FHDC1: variants seen among roughly 807,000 people sequenced by gnomAD.
FHDC1 encodes the protein FH2 domain containing 1, also known as FH2 domain-containing protein 1.
In FHDC1, 25 loss-of-function variants were observed where a neutral mutation model predicts 52.6. The observed-to-expected ratio is 0.48, with a 90% CI of 0.35 to 0.66. The LOEUF is 0.66. Among genes scored for constraint, FHDC1 ranks in the 30% least tolerant of loss-of-function variants. FHDC1 has a pLI of 0.01. For missense variants in FHDC1, 1,459 were observed against 1,452.8 expected, an observed-to-expected ratio of 1.00 and a Z score of -0.07; for synonymous variants, 616 against 581.5, an observed-to-expected ratio of 1.06 and a Z score of -0.85.
At chr4:152,974,637 A>G (rs1423942091) in intron 11 of FHDC1, 38 bp from the exon 12 acceptor site, 3 of 1,501,584 alleles carry the variant, frequency 2.0e-6, no homozygotes, top group Non-Finnish European at 1.8e-6. Context: ...TTGGTCCCAC[A>G]TGTCTCATGC....
At chr4:152,912,530 A>G in the FHDC1 span, among the ~76,000 whole-genome samples, 3 of 152,204 alleles carry the variant, frequency 2.0e-5, no homozygotes, top group African/African-American at 7.2e-5. Context: ...AAACTTTGTA[A>G]TATATTGCCT....
At chr4:152,930,865 C>T in the FHDC1 span, among the ~76,000 whole-genome samples, 1 of 151,938 alleles carries the variant, frequency 6.6e-6, no homozygotes. Flanking sequence ...GCAGAAAGGG[C>T]TTTACCAATT....
the FHDC1 span, among the ~76,000 whole-genome samples, chr4:152,914,798 G>A: frequency 1.4e-4 from 21 of 152,170 alleles, no homozygotes; most frequent in Non-Finnish European, 2.4e-4. Context: ...GCTGGTATAG[G>A]GCACATAGGA....
At chr4:152,935,830 GGT>G (rs35457762), upstream of FHDC1, among the ~76,000 whole-genome samples, 2 of 132,266 alleles carry the variant, frequency 1.5e-5, no homozygotes, top group South Asian at 2.5e-4. Flanking sequence ...GGCGTGTGCG[GGT>G]GTGTGTGTGT....
At chr4:152,962,725 A>G in intron 6 of FHDC1, 89 bp from the exon 7 acceptor site, 2 of 1,064,796 alleles carry the variant, frequency 1.9e-6, no homozygotes, top group Non-Finnish European at 2.9e-6. Context: ...TTTGCTTCAG[A>G]TACACTTGAA....
chr4:152,920,947 C>T, the FHDC1 span, among the ~76,000 whole-genome samples: 1 of 151,350 alleles, frequency 6.6e-6, no homozygotes, highest in Non-Finnish European at 1.5e-5. Context: ...TCCTTAAATC[C>T]TCTTGTTATG....
At chr4:152,949,615 AC>A (rs1739861498) in intron 2 of FHDC1, among the ~76,000 whole-genome samples, 1 of 152,266 alleles carries the variant, frequency 6.6e-6, no homozygotes, top group Non-Finnish European at 1.5e-5. Flanking sequence ...AATTGAAACT[AC>A]AAAAGTTGTA....
chr4:152,962,981 GTA>G lies in FHDC1; in HGVS notation c.922-40_922-39del, dbSNP rs1491168487. 3.4e-4 allele frequency: 488 copies of G among 1,437,284 alleles called. 3 individuals are homozygous for G. The highest frequency in any genetic ancestry group is 1.1e-3 in the South Asian group (92 of 85,336). 89.0% of individuals were successfully genotyped at this position (1,437,284 alleles called of 1,614,324 possible). ...TGTGTGTGTGTGTGTGTGTGTGTGT[GTA>G]TGTATACATAATTTTTTCTTTTTGA... is the stretch of plus-strand genomic sequence containing the variant. On this transcript the variant is annotated intron_variant, in intron 7 of 11. Coordinates refer to ENST00000511601, the MANE Select transcript of FHDC1 (RefSeq NM_001371116.1).
At chr4:152,959,510 G>GA (rs1175911053) in intron 4 of FHDC1, among the ~76,000 whole-genome samples, 1 of 152,158 alleles carries the variant, frequency 6.6e-6, no homozygotes. Flanking sequence ...AGATATCTTA[G>GA]AAAATAAAAA....
intron 6 of FHDC1, among the ~76,000 whole-genome samples, 172 bp from the exon 7 acceptor site, chr4:152,962,642 G>A (rs1233110921): frequency 6.6e-6 from 1 of 152,220 alleles, no homozygotes; most frequent in Non-Finnish European, 1.5e-5. Context: ...GGTAGCAAAT[G>A]ATGTGTTAGG....
intron 10 of FHDC1, among the ~76,000 whole-genome samples, chr4:152,972,112 C>T (rs1003212200): frequency 1.3e-5 from 2 of 152,152 alleles, no homozygotes; most frequent in Non-Finnish European, 2.9e-5. Context: ...TTGTTAGTGA[C>T]GTTCTGCAGG....
upstream of FHDC1, among the ~76,000 whole-genome samples, chr4:152,932,170 G>A (rs536497237): frequency 3.0e-3 from 456 of 151,792 alleles, 1 homozygote; most frequent in Non-Finnish European, 5.2e-3. Context: ...GATTGCTTGA[G>A]GTCAGAAGTT....
At chr4:152,971,952 C>T (rs947732598) in intron 10 of FHDC1, among the ~76,000 whole-genome samples, 6 of 152,052 alleles carry the variant, frequency 3.9e-5, no homozygotes, top group East Asian at 1.9e-4. Flanking sequence ...ATCAGTAGAG[C>T]GAGTAGCTTC....
At chr4:152,932,628 T>C (rs1258554766), upstream of FHDC1, among the ~76,000 whole-genome samples, 1 of 152,212 alleles carries the variant, frequency 6.6e-6, no homozygotes, top group East Asian at 1.9e-4. Context: ...AAGGCAAAGA[T>C]AGCCTAGAAT....
the FHDC1 span, among the ~76,000 whole-genome samples, chr4:152,920,373 A>C: frequency 1.3e-5 from 2 of 152,178 alleles, no homozygotes; most frequent in Non-Finnish European, 2.9e-5. Flanking sequence ...ACTTTGGCTA[A>C]AGGTAGAATA....
chr4:152,977,834 G>C lies in FHDC1; in HGVS notation c.*1111G>C, dbSNP rs1374936724. 6.6e-6 allele frequency: 1 copy of C among 152,204 alleles called. No homozygotes were observed. Among genetic ancestry groups the C allele is most frequent in the African/African-American group, 2.4e-5 (1 of 41,436 alleles). 9.4% of individuals were successfully genotyped at this position (152,204 alleles called of 1,614,324 possible). ...TTCACCTGCCCACACAGGGTCCGTT[G>C]CTGGCAACTGGACTTCCCCATAAGC... On this transcript the variant is annotated 3_prime_UTR_variant, in exon 12 of 12. Coordinates refer to ENST00000511601, the MANE Select transcript of FHDC1 (RefSeq NM_001371116.1).
chr4:152,961,359 C>T (rs1740275968), intron 6 of FHDC1, among the ~76,000 whole-genome samples: 1 of 152,212 alleles, frequency 6.6e-6, no homozygotes. Flanking sequence ...GTCTCCCACT[C>T]CTCCATACTC....
At chr4:152,923,068 G>A in the FHDC1 span, among the ~76,000 whole-genome samples, 523 of 152,234 alleles carry the variant, frequency 3.4e-3, 2 homozygotes, top group Middle Eastern at 0.014. Context: ...AAGTCAAATT[G>A]ACCCTGTTTG....
At chr4:152,937,683 C>A (rs972408464) in intron 1 of FHDC1, among the ~76,000 whole-genome samples, 1 of 151,838 alleles carries the variant, frequency 6.6e-6, no homozygotes, top group Non-Finnish European at 1.5e-5. Context: ...GCAGAGCTGG[C>A]GCGGCGCGTG....
Sources: allele counts gnomAD v4.1 joint callset (sites outside exome capture counted in the v4.1 genomes callset), GRCh38; gene constraint gnomAD v4.1.1; transcripts MANE v1.5; gene names NCBI Gene and HGNC (gene_info 2026-07-23, HGNC 2026-07-21).